The following MIR2052HG variants were observed in gnomAD, a reference collection of about 807,000 sequenced individuals.
MIR2052HG encodes MIR2052 host gene.
chr8:74,623,780 T>C (rs561739499), intron 2 of MIR2052HG, among the ~76,000 whole-genome samples: 1 of 152,336 alleles, frequency 6.6e-6, no homozygotes, highest in East Asian at 1.9e-4. Context: ...GATCTCAGAA[T>C]AGAATTCTTC....
intron 2 of MIR2052HG, among the ~76,000 whole-genome samples, chr8:74,677,499 T>C (rs985804030): frequency 6.6e-6 from 1 of 152,088 alleles, no homozygotes; most frequent in Non-Finnish European, 1.5e-5. Flanking sequence ...TGGTATCACA[T>C]AGTCTACCTC....
chr8:74,659,982 T>G (rs975932171), intron 2 of MIR2052HG, among the ~76,000 whole-genome samples: 1 of 152,180 alleles, frequency 6.6e-6, no homozygotes, highest in African/African-American at 2.4e-5. Flanking sequence ...GAAACAGAGA[T>G]ATGCATAGAT....
At chr8:74,728,842 C>T (rs1162144945) in intron 4 of MIR2052HG, among the ~76,000 whole-genome samples, 3 of 152,124 alleles carry the variant, frequency 2.0e-5, no homozygotes, top group African/African-American at 7.2e-5. Context: ...TAATAACAAA[C>T]ATACACTTCC....
intron 4 of MIR2052HG, among the ~76,000 whole-genome samples, chr8:74,706,185 A>G (rs761432450): frequency 2.1e-4 from 32 of 152,248 alleles, no homozygotes; most frequent in Admixed American, 6.5e-4. Flanking sequence ...ACAAGGAAAT[A>G]TGAAATTGCA....
At chr8:74,608,573 G>A (rs1249519789) in intron 1 of MIR2052HG, among the ~76,000 whole-genome samples, 1 of 152,048 alleles carries the variant, frequency 6.6e-6, no homozygotes, top group Non-Finnish European at 1.5e-5. Flanking sequence ...TATTTACCAA[G>A]ATAGACCATA....
At chr8:74,735,221 G>A (rs1351439796) in intron 4 of MIR2052HG, among the ~76,000 whole-genome samples, 18 of 152,160 alleles carry the variant, frequency 1.2e-4, no homozygotes, top group Non-Finnish European at 1.5e-5. Flanking sequence ...GAAGGTACTT[G>A]ATAAATGTTT....
At chr8:74,741,516 A>G (rs929870045) in intron 4 of MIR2052HG, among the ~76,000 whole-genome samples, 1 of 152,198 alleles carries the variant, frequency 6.6e-6, no homozygotes, top group Admixed American at 6.6e-5. Flanking sequence ...TTGTCATCTC[A>G]TGAATCCACA....
intron 2 of MIR2052HG, chr8:74,612,974 T>C (rs1253233792): frequency 1.3e-5 from 6 of 454,240 alleles, no homozygotes; most frequent in Non-Finnish European, 2.7e-5. Context: ...CTGCACTGTG[T>C]GGGAAGACAA....
At chr8:74,712,877 A>G (rs1434153632) in intron 4 of MIR2052HG, among the ~76,000 whole-genome samples, 1 of 152,160 alleles carries the variant, frequency 6.6e-6, no homozygotes, top group Admixed American at 6.6e-5. Flanking sequence ...AATAAAAAAG[A>G]CCTTGTTCTT....
At chr8:74,754,462 G>A (rs2128757027) in intron 5 of MIR2052HG, among the ~76,000 whole-genome samples, 1 of 152,310 alleles carries the variant, frequency 6.6e-6, no homozygotes, top group Non-Finnish European at 1.5e-5. Context: ...TAAGTAGAGT[G>A]ACATGTAAAA....
chr8:74,623,560 T>A (rs1044836485), intron 2 of MIR2052HG, among the ~76,000 whole-genome samples: 1 of 152,254 alleles, frequency 6.6e-6, no homozygotes, highest in Non-Finnish European at 1.5e-5. Context: ...AAATACAATG[T>A]CATTATTAAA....
At chr8:74,603,574 G>A (rs1340673299) in intron 1 of MIR2052HG, 7 of 1,545,030 alleles carry the variant, frequency 4.5e-6, no homozygotes, top group South Asian at 2.2e-5. Context: ...GTTGCCATGC[G>A]TCATGGGAAA....
At chr8:74,717,439 C>G (rs557581642) in intron 4 of MIR2052HG, among the ~76,000 whole-genome samples, 2 of 152,222 alleles carry the variant, frequency 1.3e-5, no homozygotes, top group African/African-American at 4.8e-5. Flanking sequence ...CATGTCTTTG[C>G]TATTGTAAAC....
intron 1 of MIR2052HG, chr8:74,612,602 C>T: frequency 3.5e-6 from 1 of 281,692 alleles, no homozygotes; most frequent in Non-Finnish European, 7.0e-6. Flanking sequence ...CATGAGTTAT[C>T]ATTTGGCTAG....
rs189637835 is a variant in MIR2052HG at position 74,735,407 on chromosome 8, G to A, written n.372-17034G>A. ...TGAAGGGGATCTTAGAAAGTATACA[G>A]TCCTCATATCTCATTTCCAAATGAG... On this transcript the variant is annotated intron_variant and non_coding_transcript_variant, in intron 4 of 6. Transcript: ENST00000523442. Among the ~76,000 whole-genome samples the A allele has an allele frequency of 3.8e-3, 571 of 152,232 alleles. 8 individuals are homozygous for A. Among genetic ancestry groups the A allele is most frequent in the African/African-American group, 0.013 (543 of 41,538 alleles).
intron 4 of MIR2052HG, among the ~76,000 whole-genome samples, chr8:74,722,861 C>T (rs73687257): frequency 0.027 from 4,090 of 152,278 alleles, 158 homozygotes; most frequent in African/African-American, 0.092. Flanking sequence ...CAAGATTACA[C>T]GGCTAGTATG....
intron 1 of MIR2052HG, among the ~76,000 whole-genome samples, chr8:74,604,581 T>C (rs1275509363): frequency 8.1e-6 from 1 of 123,480 alleles, no homozygotes; most frequent in African/African-American, 3.2e-5. Context: ...CTTGTTTCTT[T>C]ACTTTTTTTT....
intron 2 of MIR2052HG, among the ~76,000 whole-genome samples, chr8:74,671,514 A>G (rs552303081): frequency 6.6e-6 from 1 of 152,248 alleles, no homozygotes; most frequent in South Asian, 2.1e-4. Context: ...TTTTACTCTC[A>G]TTTTAAAAGC....
chr8:74,742,654 T>A (rs1413333577), intron 4 of MIR2052HG, among the ~76,000 whole-genome samples: 3 of 152,182 alleles, frequency 2.0e-5, no homozygotes, highest in Admixed American at 2.0e-4. Context: ...CCATGTCCTT[T>A]AATCTACTGT....
Sources: gnomAD v4.1 joint callset for allele counts (sites outside exome capture counted in the v4.1 genomes callset) on GRCh38, gnomAD v4.1.1 for gene constraint, MANE v1.5 for transcripts, NCBI Gene and HGNC (gene_info 2026-07-23, HGNC 2026-07-21) for gene names.